Variants in NPAS2 observed in about 807,000 individuals in gnomAD.
The protein encoded by NPAS2 is neuronal PAS domain-containing protein 2.
Under a neutral mutation model 107.5 loss-of-function variants are expected in NPAS2, and 23 were observed. The observed-to-expected ratio is 0.21, with a 90% CI of 0.15 to 0.30. The LOEUF (loss-of-function observed/expected upper bound fraction) is 0.30, where lower values mean the gene tolerates loss of function less well. Ranked by LOEUF, NPAS2 falls within the 10% of genes least tolerant of loss-of-function variation. The probability of loss-of-function intolerance (pLI) is 1.00; values close to 1 mark genes in which losing one functional copy is unlikely to be tolerated. For missense variants in NPAS2, 756 were observed against 1,043.3 expected (o/e 0.72, Z 3.79); for synonymous variants, 403 against 417.5 (o/e 0.97, Z 0.42).
intron 10 of NPAS2, among the ~76,000 whole-genome samples, chr2:100,967,690 G>T (rs144308551): frequency 6.6e-6 from 1 of 152,244 alleles, no homozygotes; most frequent in East Asian, 1.9e-4. Context: ...TACACCATCA[G>T]CATCCATTCT....
chr2:100,906,191 T>C (rs1389647553), intron 2 of NPAS2, among the ~76,000 whole-genome samples: 1 of 152,228 alleles, frequency 6.6e-6, no homozygotes, highest in African/African-American at 2.4e-5. Flanking sequence ...TTACTTGGCA[T>C]TGGGACCCAG....
intron 1 of NPAS2, among the ~76,000 whole-genome samples, chr2:100,843,870 G>A (rs1199354188): frequency 6.6e-6 from 1 of 152,118 alleles, no homozygotes; most frequent in African/African-American, 2.4e-5. Context: ...AGATGGTTTG[G>A]CAAATGAGAA....
In NPAS2 at chr2:100,889,880, G is replaced by A. The variant is rs774802387; in HGVS notation, c.-22-14853G>A. On this transcript the variant is annotated intron_variant, in intron 1 of 20. Coordinates refer to ENST00000335681, the MANE Select transcript of NPAS2 (RefSeq NM_002518.4). ...AAATGGTGAATTAATGCCATTTTCC[G>A]TATGAATGCATCATTGTGTAGATTT... Among the ~76,000 whole-genome samples the A allele has an allele frequency of 6.0e-5, 9 of 150,676 alleles. No individual in the cohort carries two copies. In the South Asian group the frequency reaches 8.5e-4, roughly 14 times the overall value.
At chr2:100,879,856 G>A (rs754584325) in intron 1 of NPAS2, among the ~76,000 whole-genome samples, 14 of 152,232 alleles carry the variant, frequency 9.2e-5, no homozygotes, top group Admixed American at 2.6e-4. Context: ...CGAATCAGTG[G>A]TCAGGAGAGT....
rs1676074641 is a variant in NPAS2 at position 100,964,103 on chromosome 2, C to G, written c.644C>G (p.Pro215Arg). 2.5e-6 allele frequency: 4 copies of G among 1,614,014 alleles called. No individual in the cohort carries two copies. The African/African-American group carries it at 4.0e-5, about 16-fold the overall frequency. ...GGTTTTGACAACACCCTTTCAAGAC[C>G]TTGCCGGGTGCCACTAGGAAAGGAG... ...CNGFDNTLSR[P>R]CRVPLGKEVC... The change falls in exon 8 of 21, where the codon CCT (proline) becomes CGT (arginine). Residue 215 changes from proline to arginine, a missense_variant. Physicochemically the swap from Pro to Arg is moderately radical, Grantham distance 103. Coordinates refer to ENST00000335681, the MANE Select transcript of NPAS2 (RefSeq NM_002518.4).
At chr2:100,957,551 C>A (rs1675642170) in intron 7 of NPAS2, among the ~76,000 whole-genome samples, 1 of 152,246 alleles carries the variant, frequency 6.6e-6, no homozygotes, top group Non-Finnish European at 1.5e-5. Context: ...CCTCCTTTCT[C>A]AAACCCCAGG....
chr2:100,843,070 T>G (rs984863156), intron 1 of NPAS2, among the ~76,000 whole-genome samples: 1 of 151,882 alleles, frequency 6.6e-6, no homozygotes, highest in Non-Finnish European at 1.5e-5. Context: ...AATACAAAAA[T>G]TAGCTGGGTG....
chr2:100,988,423 C>A, intron 17 of NPAS2, 147 bp downstream of exon 17: 1 of 645,144 alleles, frequency 1.6e-6, no homozygotes, highest in Non-Finnish European at 2.7e-6. Flanking sequence ...TGGGAGTGAG[C>A]CTTCTTTTCC....
chr2:100,945,016 T>G (rs1333695636), intron 5 of NPAS2, among the ~76,000 whole-genome samples: 1 of 152,220 alleles, frequency 6.6e-6, no homozygotes, highest in Non-Finnish European at 1.5e-5. Context: ...GAAAGACTAC[T>G]GTCATCTGTG....
At chr2:100,921,754 G>GT (rs1216543049) in intron 2 of NPAS2, among the ~76,000 whole-genome samples, 1 of 152,176 alleles carries the variant, frequency 6.6e-6, no homozygotes, top group Non-Finnish European at 1.5e-5. Flanking sequence ...TCAATGCACT[G>GT]TATGTCAGTG....
chr2:100,943,987 T>C (rs1037299280), intron 5 of NPAS2, among the ~76,000 whole-genome samples: 6 of 152,214 alleles, frequency 3.9e-5, no homozygotes, highest in Non-Finnish European at 7.4e-5. Flanking sequence ...GAACAGAGAT[T>C]CTTTCTGTAT....
At chr2:100,956,529 G>A (rs1032552868) in intron 7 of NPAS2, among the ~76,000 whole-genome samples, 8 of 152,152 alleles carry the variant, frequency 5.3e-5, no homozygotes, top group South Asian at 2.1e-4. Context: ...CCATGTTGCC[G>A]CAAAGGACAT....
chr2:100,862,450 T>C (rs933576097), intron 1 of NPAS2, among the ~76,000 whole-genome samples: 2 of 152,214 alleles, frequency 1.3e-5, no homozygotes, highest in African/African-American at 2.4e-5. Flanking sequence ...AGGGTTTCAT[T>C]GCCTCGTAGC....
intron 1 of NPAS2, among the ~76,000 whole-genome samples, chr2:100,893,646 A>C (rs1681225418): frequency 6.6e-6 from 1 of 152,260 alleles, no homozygotes. Context: ...CTAAATTAAA[A>C]GACACTGAAG....
At chr2:100,819,297 C>T (rs1194151364), upstream of NPAS2, among the ~76,000 whole-genome samples, 2 of 152,172 alleles carry the variant, frequency 1.3e-5, no homozygotes, top group Non-Finnish European at 2.9e-5. This position sits in a 1 kb window ranked among gnomAD's most constrained non-coding sequence, Gnocchi z 5.8. Flanking sequence ...GCCGCAGCCC[C>T]ACACCCCACG....
At chr2:100,906,912 A>AG (rs1682184324) in intron 2 of NPAS2, among the ~76,000 whole-genome samples, 1 of 152,240 alleles carries the variant, frequency 6.6e-6, no homozygotes, top group Admixed American at 6.5e-5. Flanking sequence ...AAGCTCTAGG[A>AG]AGTGGCAGAA....
chr2:100,967,686 A>C (rs76869910), intron 10 of NPAS2, among the ~76,000 whole-genome samples: 2 of 152,106 alleles, frequency 1.3e-5, no homozygotes, highest in African/African-American at 4.8e-5. Flanking sequence ...TTGATACACC[A>C]TCAGCATCCA....
chr2:100,861,722 C>CCTTCA (rs1367812849), intron 1 of NPAS2, among the ~76,000 whole-genome samples: 1 of 152,164 alleles, frequency 6.6e-6, no homozygotes, highest in Non-Finnish European at 1.5e-5. Flanking sequence ...AAGAGTGTGT[C>CCTTCA]CTTCAACTCA....
chr2:100,955,870 C>T (rs1675538129), intron 7 of NPAS2, among the ~76,000 whole-genome samples: 1 of 152,072 alleles, frequency 6.6e-6, no homozygotes, highest in African/African-American at 2.4e-5. Flanking sequence ...TCCTGACACC[C>T]TCTCTCTCTT....
Sources: gnomAD v4.1 joint callset for allele counts (sites outside exome capture counted in the v4.1 genomes callset) on GRCh38, gnomAD v4.1.1 for gene constraint, Gnocchi (gnomAD v3.1) non-coding constraint, MANE v1.5 for transcripts, NCBI Gene and HGNC (gene_info 2026-07-23, HGNC 2026-07-21) for gene names.